AFDN: variants seen among roughly 807,000 people sequenced by gnomAD.
AFDN encodes afadin, adherens junction formation factor, also known as afadin.
AFDN carries 68 observed loss-of-function variants against 216.6 expected under a neutral mutation model. That is an observed-to-expected ratio of 0.31 (90% CI 0.26 to 0.38). AFDN has a LOEUF of 0.38. Among genes scored for constraint, AFDN ranks in the 10% least tolerant of loss-of-function variants. The probability of loss-of-function intolerance (pLI) is 1.00; values close to 1 mark genes in which losing one functional copy is unlikely to be tolerated. For missense variants in AFDN, 2,136 were observed against 2,342.0 expected, an observed-to-expected ratio of 0.91 and a Z score of 1.82; for synonymous variants, 868 against 853.7, an observed-to-expected ratio of 1.02 and a Z score of -0.29.
intron 20 of AFDN, among the ~76,000 whole-genome samples, chr6:167,917,717 A>C (rs1791270339): frequency 6.6e-6 from 1 of 152,256 alleles, no homozygotes; most frequent in African/African-American, 2.4e-5. Flanking sequence ...TGTAGACTTA[A>C]ATATGAGTCA....
chr6:167,954,754 C>T (rs1030869686), intron 30 of AFDN, among the ~76,000 whole-genome samples: 4 of 152,008 alleles, frequency 2.6e-5, no homozygotes, highest in East Asian at 1.9e-4. Flanking sequence ...AAATTGATTC[C>T]GTGTATTCTT....
chr6:167,876,369 C>A (rs1422468073), intron 5 of AFDN, among the ~76,000 whole-genome samples: 2 of 152,122 alleles, frequency 1.3e-5, no homozygotes, highest in African/African-American at 4.8e-5. Flanking sequence ...CCAAGTGATT[C>A]TTTGTTTATA....
chr6:167,915,448 C>T lies in AFDN; in HGVS notation c.2565+15C>T, dbSNP rs763913642. ...GGATCGTGCAGGTGATTGCTGGTGC[C>T]ACTCCCCAGCTCATGTGCTTTATGA... On this transcript the variant is annotated intron_variant, in intron 19 of 33. Transcript: ENST00000683244. 6.3e-7 allele frequency: 1 copy of T among 1,595,900 alleles called. No homozygotes were observed. Among genetic ancestry groups the T allele is most frequent in the Admixed American group, 1.7e-5 (1 of 59,140 alleles).
At chr6:167,925,177 C>A in intron 23 of AFDN, 86 bp downstream of exon 23, 3 of 915,406 alleles carry the variant, frequency 3.3e-6, no homozygotes, top group Admixed American at 3.5e-5. Context: ...TGTGGGAGTA[C>A]TTTACCACCT....
chr6:167,869,675 C>T (rs989054216), intron 2 of AFDN, among the ~76,000 whole-genome samples: 15 of 152,172 alleles, frequency 9.9e-5, no homozygotes, highest in South Asian at 2.1e-4. Context: ...TTCCAGCGAC[C>T]GTAGGCCTCT....
chr6:167,964,983 A>G, intron 31 of AFDN: 2 of 1,051,888 alleles, frequency 1.9e-6, no homozygotes, highest in Non-Finnish European at 2.3e-6. Flanking sequence ...TGTCAGAAAA[A>G]AATGTACAGT....
Position 167,911,339 on chromosome 6 carries a change from C to CTT in AFDN, c.1889_1890dup (p.Lys631LeufsTer42). 6.2e-7 allele frequency: 1 copy of CTT among 1,614,064 alleles called. No homozygotes were observed. Among genetic ancestry groups the CTT allele is most frequent in the Non-Finnish European group, 8.5e-7 (1 of 1,179,958 alleles). On this transcript the variant is annotated frameshift_variant, in exon 15 of 34. Transcript: ENST00000683244. LOFTEE classifies it high-confidence loss of function. ...ATTATACTAATAGCTCTACAGTCCACTTTAAGTTGTCCCCTACATATGTAT... is the reference window on the plus strand; with the variant it reads ...ATTATACTAATAGCTCTACAGTCCACTTTTTAAGTTGTCCCCTACATATGTAT...
At chr6:167,964,758 T>A in intron 31 of AFDN, 2 of 1,066,098 alleles carry the variant, frequency 1.9e-6, no homozygotes, top group Non-Finnish European at 2.3e-6. Context: ...AAATTAGTTT[T>A]CTTTGGTTGA....
At chr6:167,912,361 T>C (rs949069483) in intron 15 of AFDN, among the ~76,000 whole-genome samples, 1 of 152,214 alleles carries the variant, frequency 6.6e-6, no homozygotes, top group Non-Finnish European at 1.5e-5. Flanking sequence ...ATAATGTTAA[T>C]AACATAGATA....
intron 6 of AFDN, among the ~76,000 whole-genome samples, chr6:167,883,152 A>G (rs1786356243): frequency 6.6e-6 from 1 of 152,196 alleles, no homozygotes; most frequent in African/African-American, 2.4e-5. Context: ...GAATCTATCA[A>G]GAGAAGGGAA....
chr6:167,947,402 A>AT (rs1795429318), intron 27 of AFDN, among the ~76,000 whole-genome samples: 1 of 152,080 alleles, frequency 6.6e-6, no homozygotes, highest in Non-Finnish European at 1.5e-5. Context: ...GATGGTCTCG[A>AT]TCTCCTGACC....
At chr6:167,908,246 C>T (rs1789962856) in intron 13 of AFDN, among the ~76,000 whole-genome samples, 1 of 152,220 alleles carries the variant, frequency 6.6e-6, no homozygotes, top group South Asian at 2.1e-4. Flanking sequence ...AGACACAGTT[C>T]TTCAGTTTCC....
intron 27 of AFDN, 76 bp downstream of exon 27, chr6:167,946,977 TGTTA>T: frequency 1.5e-6 from 2 of 1,293,636 alleles, no homozygotes; most frequent in South Asian, 1.3e-5. Context: ...CTTTGTGGTT[TGTTA>T]ATTATTAAAA....
At chr6:167,968,125 A>G (rs1383072353) in intron 32 of AFDN, among the ~76,000 whole-genome samples, 3 of 152,252 alleles carry the variant, frequency 2.0e-5, no homozygotes, top group African/African-American at 7.2e-5. Context: ...TATCATTCTT[A>G]AAGCTCAAAA....
rs189296301 is a variant in AFDN at position 167,880,366 on chromosome 6, C to T, written c.746C>T (p.Thr249Ile). Residue 249 changes from threonine to isoleucine, a missense_variant, in exon 6 of 34, where the codon ACA becomes ATA. By Grantham distance (89) the Thr-to-Ile change is moderately conservative (BLOSUM62 -1). This residue lies in a region of AFDN where 817 missense variants were observed against 965.7 expected (regional missense o/e 0.85). Coordinates refer to ENST00000683244, the MANE Select transcript of AFDN (RefSeq NM_001386888.1). ...TGTCAAAATGTTTTTTCAGGTGGAA[C>T]ATTGAGAATTTATGCAGATAGTTTA... Reference protein sequence around the residue: ...SSDGRPDSGGTLRIYADSLKP... With the variant: ...SSDGRPDSGGILRIYADSLKP... 37 of 1,610,876 alleles carry T rather than the reference C, an allele frequency of 2.3e-5. No homozygotes were observed. The highest frequency in any genetic ancestry group is 3.1e-5 in the Non-Finnish European group (36 of 1,178,296).
chr6:167,933,125 A>G (rs1463332457), intron 23 of AFDN, among the ~76,000 whole-genome samples: 2 of 152,216 alleles, frequency 1.3e-5, no homozygotes, highest in Admixed American at 6.5e-5. Flanking sequence ...ATTTGGCCCC[A>G]TTAGGTGGTT....
chr6:167,905,814 C>A (rs1480631742), intron 12 of AFDN, among the ~76,000 whole-genome samples: 1 of 152,088 alleles, frequency 6.6e-6, no homozygotes, highest in African/African-American at 2.4e-5. Context: ...TTCTATAAAT[C>A]TGTCTTATGG....
intron 1 of AFDN, among the ~76,000 whole-genome samples, chr6:167,854,013 T>C (rs1232672144): frequency 1.3e-5 from 2 of 152,064 alleles, no homozygotes; most frequent in Admixed American, 1.3e-4. Context: ...TTTCAAAATG[T>C]ACATGAGTAT....
intron 5 of AFDN, among the ~76,000 whole-genome samples, chr6:167,877,324 T>A (rs1040830089): frequency 6.6e-6 from 1 of 152,220 alleles, no homozygotes; most frequent in Admixed American, 6.5e-5. Flanking sequence ...TATTTTAGGC[T>A]ACTGTTCCAG....
Sources: gnomAD v4.1 joint callset for allele counts (sites outside exome capture counted in the v4.1 genomes callset) on GRCh38, gnomAD v4.1.1 for gene constraint, gnomAD v4.1.1 regional missense constraint, MANE v1.5 for transcripts, NCBI Gene and HGNC (gene_info 2026-07-23, HGNC 2026-07-21) for gene names.